Variants in ZNF385D observed in about 807,000 individuals in gnomAD.
ZNF385D encodes the protein zinc finger protein 385D.
Under a neutral mutation model 35.8 loss-of-function variants are expected in ZNF385D, and 15 were observed. The ratio of observed to expected loss-of-function variants is 0.42; its 90% CI spans 0.28 to 0.64. ZNF385D has a LOEUF of 0.64. ZNF385D is among the 30% of genes least tolerant of loss of function. ZNF385D has a pLI of 0.23. For synonymous variants in ZNF385D, 212 were observed against 186.8 expected (o/e 1.13, Z -1.10); for missense variants, 474 against 494.6 (o/e 0.96, Z 0.39).
At chr3:22,046,193 T>C (rs1388151654) in intron 3 of ZNF385D, among the ~76,000 whole-genome samples, 1 of 152,024 alleles carries the variant, frequency 6.6e-6, no homozygotes, top group Non-Finnish European at 1.5e-5. Flanking sequence ...CAAAGGAAAA[T>C]ATTCATACGG....
intron 2 of ZNF385D, among the ~76,000 whole-genome samples, chr3:21,642,039 C>T (rs935698117): frequency 1.3e-5 from 2 of 152,106 alleles, no homozygotes; most frequent in African/African-American, 4.8e-5. Flanking sequence ...CAACATGGCA[C>T]TGGCCAGGCA....
intron 1 of ZNF385D, among the ~76,000 whole-genome samples, chr3:21,684,364 TCC>T (rs1559516310): frequency 4.1e-5 from 3 of 72,386 alleles, no homozygotes; most frequent in Non-Finnish European, 7.8e-5. Context: ...TTAACTGTTC[TCC>T]TCTCTCTCTC....
chr3:22,093,581 T>G (rs1278443293), intron 3 of ZNF385D, among the ~76,000 whole-genome samples: 1 of 152,134 alleles, frequency 6.6e-6, no homozygotes, highest in Non-Finnish European at 1.5e-5. Flanking sequence ...ATTACACATT[T>G]TATCCTCATT....
intron 1 of ZNF385D, among the ~76,000 whole-genome samples, chr3:21,748,327 G>T (rs371907091): frequency 1.3e-5 from 2 of 149,958 alleles, no homozygotes; most frequent in East Asian, 4.0e-4. Flanking sequence ...CAAGGGCAGG[G>T]TCCAGTTGTC....
At chr3:21,567,872 C>T (rs1206068252) in intron 2 of ZNF385D, among the ~76,000 whole-genome samples, 1 of 152,058 alleles carries the variant, frequency 6.6e-6, no homozygotes, top group East Asian at 1.9e-4. Flanking sequence ...GCAGTGACCA[C>T]ATTCAATCCA....
intron 2 of ZNF385D, among the ~76,000 whole-genome samples, chr3:22,241,237 C>A (rs988567129): frequency 1.3e-5 from 2 of 151,192 alleles, no homozygotes; most frequent in South Asian, 2.2e-4. Flanking sequence ...AAGCACAACA[C>A]TGAAAGAAAG....
chr3:22,160,006 G>C (rs1478630543), intron 3 of ZNF385D, among the ~76,000 whole-genome samples: 4 of 151,902 alleles, frequency 2.6e-5, no homozygotes, highest in Non-Finnish European at 5.9e-5. Context: ...GACCATGTGG[G>C]GGTAATTGAA....
At chr3:21,781,244 T>C (rs980884548) in intron 3 of ZNF385D, among the ~76,000 whole-genome samples, 3 of 152,048 alleles carry the variant, frequency 2.0e-5, no homozygotes, top group African/African-American at 7.2e-5. Flanking sequence ...GAAGGAGCTT[T>C]AGGAAAGAAA....
intron 1 of ZNF385D, among the ~76,000 whole-genome samples, chr3:21,712,751 G>A (rs772716359): frequency 2.0e-5 from 3 of 152,082 alleles, no homozygotes; most frequent in African/African-American, 4.8e-5. Flanking sequence ...AAACCTGTTG[G>A]TTGCCTTTAT....
intron 4 of ZNF385D, among the ~76,000 whole-genome samples, chr3:21,464,617 T>C (rs959603824): frequency 6.6e-6 from 1 of 152,188 alleles, no homozygotes; most frequent in Non-Finnish European, 1.5e-5. Context: ...AAACCACAGC[T>C]GTTAGAAGCT....
At chr3:21,918,244 G>A (rs1478048467) in intron 3 of ZNF385D, among the ~76,000 whole-genome samples, 1 of 152,196 alleles carries the variant, frequency 6.6e-6, no homozygotes, top group East Asian at 1.9e-4. Context: ...CAGTGGATGA[G>A]TCTTAGGGCA....
intron 4 of ZNF385D, among the ~76,000 whole-genome samples, chr3:21,464,628 G>A (rs1703390234): frequency 6.6e-6 from 1 of 152,054 alleles, no homozygotes; most frequent in Non-Finnish European, 1.5e-5. Context: ...GTTAGAAGCT[G>A]CAGTTCAACA....
chr3:22,173,467 A>T (rs767834081), intron 2 of ZNF385D, among the ~76,000 whole-genome samples: 5 of 152,220 alleles, frequency 3.3e-5, no homozygotes, highest in Admixed American at 6.5e-5. Context: ...ATTATACAGT[A>T]AAAGTTTTAT....
chr3:22,329,982 A>G (rs1694860684), intron 2 of ZNF385D, among the ~76,000 whole-genome samples: 1 of 152,138 alleles, frequency 6.6e-6, no homozygotes, highest in African/African-American at 2.4e-5. Flanking sequence ...AATAAACAAC[A>G]CAGGTTATAA....
upstream of ZNF385D, among the ~76,000 whole-genome samples, chr3:21,756,084 C>T (rs9310658): frequency 0.68 from 103,353 of 151,902 alleles, 36,202 homozygotes; most frequent in East Asian, 0.9. Flanking sequence ...TGACATGCTT[C>T]AACAAGTTCA....
At chr3:21,769,213 G>A (rs975398357) in intron 3 of ZNF385D, among the ~76,000 whole-genome samples, 14 of 151,840 alleles carry the variant, frequency 9.2e-5, no homozygotes, top group Admixed American at 7.9e-4. Flanking sequence ...TATTCAACAT[G>A]GTGTTGGAAG....
chr3:22,169,765 C>G (rs964157918), intron 2 of ZNF385D, among the ~76,000 whole-genome samples: 1 of 152,090 alleles, frequency 6.6e-6, no homozygotes, highest in African/African-American at 2.4e-5. Flanking sequence ...AAGGTCAACC[C>G]ATAATTTCAG....
intron 3 of ZNF385D, among the ~76,000 whole-genome samples, chr3:21,976,472 G>T (rs117595617): frequency 2.0e-5 from 3 of 151,960 alleles, no homozygotes; most frequent in Non-Finnish European, 2.9e-5. Flanking sequence ...ATAGAGGGAC[G>T]CAGCTGAAGA....
intron 3 of ZNF385D, among the ~76,000 whole-genome samples, chr3:21,788,937 A>G (rs949255720): frequency 2.6e-5 from 4 of 152,220 alleles, no homozygotes; most frequent in Admixed American, 6.5e-5. Context: ...AGGAGGTCAG[A>G]GAGCATGAGG....
Sources: gnomAD v4.1 joint callset for allele counts (sites outside exome capture counted in the v4.1 genomes callset) on GRCh38, gnomAD v4.1.1 for gene constraint, MANE v1.5 for transcripts, NCBI Gene and HGNC (gene_info 2026-07-23, HGNC 2026-07-21) for gene names.